The following PTBP3 variants were observed in gnomAD, a reference collection of about 807,000 sequenced individuals.
The protein encoded by PTBP3 is polypyrimidine tract binding protein 3.
A neutral mutation model predicts 58.7 loss-of-function variants in PTBP3; 20 were observed. That is an observed-to-expected ratio of 0.34 (90% CI 0.24 to 0.50). The LOEUF (loss-of-function observed/expected upper bound fraction) is 0.50. Among genes scored for constraint, PTBP3 ranks in the 20% least tolerant of loss-of-function variants. The probability of loss-of-function intolerance (pLI) is 0.98; values close to 1 mark genes in which losing one functional copy is unlikely to be tolerated. For synonymous variants in PTBP3, 185 were observed against 219.8 expected (o/e 0.84, Z 1.40); for missense variants, 509 against 637.2 (o/e 0.80, Z 2.17).
Position 112,234,844 on chromosome 9 carries a change from C to T in PTBP3, c.856G>A (p.Ala286Thr), listed in dbSNP as rs1279575831. 6 of 1,612,872 alleles carry T rather than the reference C, an allele frequency of 3.7e-6. No individual in the cohort carries two copies. The highest frequency in any genetic ancestry group is 5.1e-6 in the Non-Finnish European group (6 of 1,179,126). ...CCTGTAGCTTGAGGAAATCCAATGG[C>T]TGGGGCAAATCCAGCAGCCCCTGCA... ...PYAGAAGFAP[A>T]IGFPQATGLS... The change falls in exon 8 of 14, where the codon GCC becomes ACC. Residue 286 changes from alanine (A) to threonine (T), a missense_variant. Coordinates refer to ENST00000374257, the MANE Select transcript of PTBP3 (RefSeq NM_001163788.4).
At chr9:112,309,675 C>T (rs183920316) in intron 1 of PTBP3, among the ~76,000 whole-genome samples, 13 of 151,994 alleles carry the variant, frequency 8.6e-5, no homozygotes, top group East Asian at 5.8e-4. Context: ...GTAATCCCAG[C>T]TACTCGAGTA....
chr9:112,269,323 A>G (rs1215424136), intron 3 of PTBP3, among the ~76,000 whole-genome samples: 1 of 152,270 alleles, frequency 6.6e-6, no homozygotes, highest in Admixed American at 6.5e-5. Context: ...AAAGAAAAAA[A>G]CAGAGGAAAA....
the PTBP3 span, among the ~76,000 whole-genome samples, chr9:112,356,944 A>C: frequency 7.8e-6 from 1 of 127,438 alleles, no homozygotes; most frequent in Admixed American, 1.0e-4. Flanking sequence ...CAATGGCGTG[A>C]TCTCAACTCA....
chr9:112,310,504 C>T (rs1368582325), intron 1 of PTBP3, among the ~76,000 whole-genome samples: 1 of 152,158 alleles, frequency 6.6e-6, no homozygotes, highest in Non-Finnish European at 1.5e-5. Context: ...CAATAATATT[C>T]ATTCATTCAA....
intron 5 of PTBP3, among the ~76,000 whole-genome samples, chr9:112,255,785 G>T (rs940592): frequency 0.56 from 84,547 of 151,912 alleles, 25,226 homozygotes; most frequent in African/African-American, 0.79. Context: ...CAGACCTCTA[G>T]GCCCATATAT....
intron 5 of PTBP3, among the ~76,000 whole-genome samples, chr9:112,255,339 T>C (rs185650241): frequency 9.8e-5 from 15 of 152,328 alleles, no homozygotes; most frequent in Admixed American, 2.6e-4. Flanking sequence ...CACTGAACTA[T>C]ACAATTAAAA....
the PTBP3 span, among the ~76,000 whole-genome samples, chr9:112,355,849 T>C: frequency 6.6e-6 from 1 of 152,262 alleles, no homozygotes; most frequent in South Asian, 2.1e-4. Flanking sequence ...ACTCCTGGAC[T>C]CAAGCCATCT....
At chr9:112,242,553 G>C (rs186266404) in intron 7 of PTBP3, 2 of 152,306 alleles carry the variant, frequency 1.3e-5, no homozygotes, top group African/African-American at 4.8e-5. Flanking sequence ...GTTTTTAAGA[G>C]ACAGGGTCTT....
At position 112,262,605 on chromosome 9, in the gene PTBP3, G is replaced by C. The variant is rs749944861; in HGVS notation, c.352-6C>G. ...TGCAGTGCAGCTTGGGCTCGCTATA[G>C]AACAACCCAAAATGAGAACTTTTGA... On this transcript the variant is annotated splice_polypyrimidine_tract_variant and splice_region_variant and intron_variant, in intron 4 of 13. Transcript: ENST00000374257. 7 of 1,549,638 alleles carry C rather than the reference G, an allele frequency of 4.5e-6. No individual in the cohort carries two copies. The highest frequency in any genetic ancestry group is 6.1e-6 in the Non-Finnish European group (7 of 1,151,298).
chr9:112,287,592 C>A (rs1307674488), intron 2 of PTBP3, among the ~76,000 whole-genome samples: 2 of 152,022 alleles, frequency 1.3e-5, no homozygotes, highest in Non-Finnish European at 2.9e-5. Flanking sequence ...CCACCCGCCT[C>A]GGCCTCCCAA....
At chr9:112,371,540 C>T in the PTBP3 span, among the ~76,000 whole-genome samples, 85 of 152,140 alleles carry the variant, frequency 5.6e-4, no homozygotes, top group African/African-American at 1.9e-3. Flanking sequence ...CTTATTAGAG[C>T]ACTCTCCTCC....
chr9:112,261,050 C>G (rs1443957344), intron 5 of PTBP3, among the ~76,000 whole-genome samples: 1 of 152,194 alleles, frequency 6.6e-6, no homozygotes, highest in Non-Finnish European at 1.5e-5. Context: ...GCAATAGCTA[C>G]AATGTTACAG....
chr9:112,222,960 C>A lies in PTBP3; in HGVS notation c.*891G>T, dbSNP rs1834855092. On this transcript the variant is annotated 3_prime_UTR_variant, in exon 14 of 14. Coordinates refer to ENST00000374257, the MANE Select transcript of PTBP3 (RefSeq NM_001163788.4). ...CCATATGATAGACCTGAATATTTTC[C>A]TTAAGACTGTAAACTTTTTTTCTGA... is the stretch of plus-strand genomic sequence containing the variant. 2 of 853,954 alleles carry A rather than the reference C, an allele frequency of 2.3e-6. No homozygotes were observed. Among genetic ancestry groups the A allele is most frequent in the South Asian group, 1.1e-4 (2 of 18,452 alleles). The allele number at this position is 853,954 out of a possible 1,614,324, so 52.9% of individuals were successfully genotyped here.
intron 5 of PTBP3, among the ~76,000 whole-genome samples, chr9:112,261,644 T>G (rs1251976568): frequency 6.6e-6 from 1 of 152,214 alleles, no homozygotes; most frequent in East Asian, 1.9e-4. Flanking sequence ...GGACAAAAGC[T>G]GACTAAATTT....
intron 1 of PTBP3, among the ~76,000 whole-genome samples, chr9:112,311,494 G>A (rs1373753272): frequency 3.3e-5 from 5 of 152,292 alleles, no homozygotes; most frequent in African/African-American, 1.2e-4. Context: ...GAGTCCAAAT[G>A]AGGATCAAAA....
At chr9:112,367,183 C>A in the PTBP3 span, among the ~76,000 whole-genome samples, 1 of 152,096 alleles carries the variant, frequency 6.6e-6, no homozygotes, top group East Asian at 1.9e-4. Context: ...CTATCCATGA[C>A]CAAATTATTA....
At chr9:112,344,359 C>T in the PTBP3 span, among the ~76,000 whole-genome samples, 1,169 of 152,152 alleles carry the variant, frequency 7.7e-3, 20 homozygotes, top group African/African-American at 0.027. Context: ...CTTGTTGTAG[C>T]CAATTAATAC....
intron 2 of PTBP3, among the ~76,000 whole-genome samples, chr9:112,295,294 A>T (rs897619811): frequency 1.3e-5 from 2 of 151,976 alleles, no homozygotes; most frequent in Non-Finnish European, 2.9e-5. Flanking sequence ...GAAAAGTCTA[A>T]ATGTAGGAAT....
intron 7 of PTBP3, among the ~76,000 whole-genome samples, chr9:112,248,395 G>A (rs1473229069): frequency 6.6e-6 from 1 of 152,102 alleles, no homozygotes; most frequent in Non-Finnish European, 1.5e-5. Context: ...ACAGGGATGG[G>A]GGCGAGAGGT....
Sources: allele counts gnomAD v4.1 joint callset (sites outside exome capture counted in the v4.1 genomes callset), GRCh38; gene constraint gnomAD v4.1.1; transcripts MANE v1.5; gene names NCBI Gene and HGNC (gene_info 2026-07-23, HGNC 2026-07-21).